The following IRAK1BP1 variants were observed in gnomAD, a reference collection of about 807,000 sequenced individuals.
IRAK1BP1 encodes the protein interleukin 1 receptor associated kinase 1 binding protein 1, also known as interleukin-1 receptor-associated kinase 1-binding protein 1.
IRAK1BP1 carries 24 observed loss-of-function variants against 28.0 expected under a neutral mutation model. The ratio of observed to expected loss-of-function variants is 0.86; its 90% CI spans 0.62 to 1.20. IRAK1BP1 has a LOEUF of 1.20. Among genes scored for constraint, IRAK1BP1 ranks in the 50% most tolerant of loss-of-function variants. The probability of loss-of-function intolerance (pLI) is 0.00; values close to 1 mark genes in which losing one functional copy is unlikely to be tolerated. For synonymous variants in IRAK1BP1, 131 were observed against 116.3 expected (o/e 1.13, Z -0.81); for missense variants, 336 against 316.7 (o/e 1.06, Z -0.46).
chr6:78,942,422 G>A (rs1773553687), intron 4 of IRAK1BP1, among the ~76,000 whole-genome samples: 1 of 152,220 alleles, frequency 6.6e-6, no homozygotes, highest in South Asian at 2.1e-4. Flanking sequence ...GGCGGAGGTT[G>A]CAGTGAGCTG....
chr6:78,873,184 G>A (rs1770850811), intron 1 of IRAK1BP1, among the ~76,000 whole-genome samples: 1 of 139,510 alleles, frequency 7.2e-6, no homozygotes, highest in Non-Finnish European at 1.5e-5. Context: ...GAGCCCAGGA[G>A]GCAGAGGTGG....
intron 1 of IRAK1BP1, among the ~76,000 whole-genome samples, chr6:78,878,647 A>C (rs1771102161): frequency 6.6e-6 from 1 of 152,218 alleles, no homozygotes; most frequent in African/African-American, 2.4e-5. Context: ...ACTGAGAATG[A>C]CTTTGACAAG....
At chr6:78,932,192 C>G (rs920465712) in intron 4 of IRAK1BP1, among the ~76,000 whole-genome samples, 1 of 152,122 alleles carries the variant, frequency 6.6e-6, no homozygotes, top group African/African-American at 2.4e-5. Flanking sequence ...TCTGCAGTGA[C>G]TTCCTCCACT....
intron 2 of IRAK1BP1, 110 bp downstream of exon 2, chr6:78,885,553 A>G (rs1352109617): frequency 9.4e-6 from 5 of 530,444 alleles, no homozygotes; most frequent in African/African-American, 2.0e-5. Flanking sequence ...TTAATAGAAG[A>G]TTATTTTTCT....
rs35313944 is a variant in IRAK1BP1 at position 78,917,632 on chromosome 6, T to TAAAAA, written c.*67+14542_*67+14546dup. Among the ~76,000 whole-genome samples the TAAAAA allele has an allele frequency of 1.4e-4, 9 of 63,682 alleles. 1 individual carries two copies. The highest frequency in any genetic ancestry group is 4.6e-4 in the African/African-American group (7 of 15,366). The allele number at this position is 63,682 out of a possible 152,430, so 41.8% of individuals were successfully genotyped here. A position where few individuals can be genotyped will look rare whatever the true frequency, so the allele number is the denominator to read the frequency against. On this transcript the variant is annotated intron_variant and NMD_transcript_variant, in intron 4 of 4. Transcript: ENST00000606868. ...GTCACCAGACTGTCAAAGTCAACACTAAAAAAAAAAAAAAAAAAAAAAAAT... is the reference window on the plus strand; with the variant it reads ...GTCACCAGACTGTCAAAGTCAACACTAAAAAAAAAAAAAAAAAAAAAAAAAAAAAT...
chr6:78,898,424 A>ATGG lies in IRAK1BP1; in HGVS notation c.*91_*92insGGT, dbSNP rs1337860341. The stretch of plus-strand genomic sequence containing the variant: ...ACGTTTGTCCTGAATATATATATAT[A>ATGG]TATATATATATATATATATATGGTA... On this transcript the variant is annotated 3_prime_UTR_variant, in exon 4 of 4. Coordinates refer to ENST00000369940, the MANE Select transcript of IRAK1BP1 (RefSeq NM_001010844.4). 1 of 158,138 alleles carries ATGG rather than the reference A, an allele frequency of 6.3e-6. No homozygotes were observed. Among genetic ancestry groups the ATGG allele is most frequent in the Admixed American group, 7.3e-5 (1 of 13,704 alleles). 9.8% of individuals were successfully genotyped at this position (158,138 alleles called of 1,614,324 possible).
At chr6:78,961,622 A>T in the IRAK1BP1 span, 1 of 1,523,526 alleles carries the variant, frequency 6.6e-7, no homozygotes, top group Non-Finnish European at 9.0e-7. Context: ...AACACTGCTA[A>T]AGATCAGTAA....
At chr6:78,931,873 CA>C (rs1773054555) in intron 4 of IRAK1BP1, among the ~76,000 whole-genome samples, 1 of 152,144 alleles carries the variant, frequency 6.6e-6, no homozygotes, top group Non-Finnish European at 1.5e-5. Context: ...CTTCCTTTCG[CA>C]AAAGATTTCT....
downstream of IRAK1BP1, chr6:78,947,477 G>A (rs926045799): frequency 2.2e-5 from 12 of 534,940 alleles, no homozygotes; most frequent in Non-Finnish European, 3.6e-5. Flanking sequence ...GAGTAGAAAG[G>A]TATAATTTCT....
the IRAK1BP1 span, chr6:78,956,300 T>A: frequency 1.3e-5 from 2 of 152,152 alleles, no homozygotes; most frequent in Non-Finnish European, 2.9e-5. Context: ...ATAAACCCAA[T>A]TAGTGGTCAA....
chr6:78,903,723 GAC>G (rs1289172371), downstream of IRAK1BP1, among the ~76,000 whole-genome samples: 1 of 151,544 alleles, frequency 6.6e-6, no homozygotes, highest in Non-Finnish European at 1.5e-5. Context: ...GTCAGGCAGT[GAC>G]AGTACGTGTG....
the IRAK1BP1 span, among the ~76,000 whole-genome samples, chr6:78,966,887 G>A: frequency 2.0e-5 from 3 of 152,134 alleles, no homozygotes; most frequent in African/African-American, 4.8e-5. Flanking sequence ...TTCAAATAAC[G>A]TATCTGTATA....
At chr6:78,907,727 TA>T (rs1271500101), downstream of IRAK1BP1, among the ~76,000 whole-genome samples, 37 of 152,188 alleles carry the variant, frequency 2.4e-4, 1 homozygote, top group South Asian at 5.4e-3. Context: ...TATTTATTAT[TA>T]TTTTTTTTTG....
Position 78,938,961 on chromosome 6 carries a change from C to T in IRAK1BP1, c.*68-6447C>T, listed in dbSNP as rs1310679953. 4.6e-5 allele frequency: 7 copies of T among 151,658 alleles called. No homozygotes were observed. The South Asian group carries it at 1.2e-3, about 27-fold the overall frequency. 9.4% of individuals were successfully genotyped at this position (151,658 alleles called of 1,614,324 possible). A position where few individuals can be genotyped will look rare whatever the true frequency, so the allele number is the denominator to read the frequency against. ...TTCAATTGCAGACTTTATTTTTCTA[C>T]ATCAGGGTCATGCTGATACATATTT... is the stretch of plus-strand genomic sequence containing the variant. On this transcript the variant is annotated intron_variant and NMD_transcript_variant, in intron 4 of 4. Coordinates refer to the IRAK1BP1 transcript ENST00000606868.
chr6:78,977,373 T>C, the IRAK1BP1 span, among the ~76,000 whole-genome samples: 4 of 151,726 alleles, frequency 2.6e-5, no homozygotes, highest in Non-Finnish European at 5.9e-5. Flanking sequence ...CTGGGGACTG[T>C]TGTGGGGTGG....
intron 2 of IRAK1BP1, among the ~76,000 whole-genome samples, chr6:78,896,712 C>G (rs9448590): frequency 0.45 from 67,954 of 151,288 alleles, 15,912 homozygotes; most frequent in East Asian, 0.69. Context: ...GTAGTCCCAG[C>G]TACTCGGGGG....
rs2127656771 is a variant in IRAK1BP1 at position 78,901,299 on chromosome 6, G to T, written c.*2965G>T. The T allele has an allele frequency of 6.6e-6, 1 of 151,814 alleles. No individual in the cohort carries two copies. Among genetic ancestry groups the T allele is most frequent in the Non-Finnish European group, 1.5e-5 (1 of 67,930 alleles). The allele number at this position is 151,814 out of a possible 1,614,324, so 9.4% of individuals were successfully genotyped here. A position where few individuals can be genotyped will look rare whatever the true frequency, so the allele number is the denominator to read the frequency against. On this transcript the variant is annotated 3_prime_UTR_variant, in exon 4 of 4. Coordinates refer to ENST00000369940, the MANE Select transcript of IRAK1BP1 (RefSeq NM_001010844.4). ...GTATACAATCCTACATTTTTCTATA[G>T]AAGAGCTTAGGGAAGAAATCATTCA...
At chr6:78,979,239 C>A in the IRAK1BP1 span, among the ~76,000 whole-genome samples, 1 of 152,004 alleles carries the variant, frequency 6.6e-6, no homozygotes, top group Non-Finnish European at 1.5e-5. Context: ...GTTATTCAAT[C>A]TCTCCAAATC....
At chr6:78,932,228 C>T (rs1047562339) in intron 4 of IRAK1BP1, among the ~76,000 whole-genome samples, 3 of 151,948 alleles carry the variant, frequency 2.0e-5, no homozygotes, top group Non-Finnish European at 4.4e-5. Flanking sequence ...CAGAATCATC[C>T]ATGAGGGTTG....
Sources: gnomAD v4.1 joint callset for allele counts (sites outside exome capture counted in the v4.1 genomes callset) on GRCh38, gnomAD v4.1.1 for gene constraint, MANE v1.5 for transcripts, NCBI Gene and HGNC (gene_info 2026-07-23, HGNC 2026-07-21) for gene names.